Variants in FAN1 observed in about 807,000 individuals in gnomAD.
FAN1 encodes the protein FANCD2 and FANCI associated nuclease 1, also known as fanconi-associated nuclease 1.
Under a neutral mutation model 104.9 loss-of-function variants are expected in FAN1, and 91 were observed. The observed-to-expected ratio is 0.87, with a 90% CI of 0.73 to 1.03. The LOEUF (loss-of-function observed/expected upper bound fraction) is 1.03, where lower values mean the gene tolerates loss of function less well. Among genes scored for constraint, FAN1 ranks in the 50% least tolerant of loss-of-function variants. The probability of loss-of-function intolerance (pLI) is 0.00; values close to 1 mark genes in which losing one functional copy is unlikely to be tolerated. For missense variants in FAN1, 1,263 were observed against 1,239.9 expected (o/e 1.02, Z -0.28); for synonymous variants, 478 against 457.6 (o/e 1.04, Z -0.57).
intron 7 of FAN1, among the ~76,000 whole-genome samples, chr15:30,921,501 G>A (rs1175003305): frequency 1.3e-5 from 2 of 152,124 alleles, no homozygotes; most frequent in Non-Finnish European, 2.9e-5. Context: ...TCCAGACCAG[G>A]CATGGTCAAA....
chr15:30,918,110 C>G, intron 5 of FAN1, 54 bp from the exon 6 acceptor site: 1 of 1,591,738 alleles, frequency 6.3e-7, no homozygotes, highest in East Asian at 2.2e-5. Context: ...AGGATGTGGT[C>G]ATTCTATGGG....
intron 4 of FAN1, among the ~76,000 whole-genome samples, chr15:30,912,831 A>G (rs780353177): frequency 5.9e-5 from 9 of 152,196 alleles, no homozygotes; most frequent in Admixed American, 1.3e-4. Context: ...ACAGCCCCTG[A>G]CAACAAAGAA....
intron 13 of FAN1, 122 bp from the exon 14 acceptor site, chr15:30,936,997 T>C: frequency 1.3e-6 from 1 of 772,504 alleles, no homozygotes; most frequent in Non-Finnish European, 2.1e-6. Flanking sequence ...GTGTTACACT[T>C]ACAAATACAG....
intron 12 of FAN1, 102 bp downstream of exon 12, chr15:30,929,499 A>C: frequency 2.8e-6 from 2 of 710,132 alleles, no homozygotes; most frequent in Non-Finnish European, 4.6e-6. Context: ...TGTATATGTA[A>C]ATACATGTAT....
intron 14 of FAN1, chr15:30,941,362 T>G (rs745498682): frequency 1.6e-4 from 253 of 1,537,418 alleles, no homozygotes; most frequent in Non-Finnish European, 2.0e-4. Flanking sequence ...TTCCAACTAT[T>G]ATTCTTACAT....
chr15:30,940,746 A>G (rs975890918), intron 14 of FAN1: 6 of 989,986 alleles, frequency 6.1e-6, no homozygotes, highest in African/African-American at 1.7e-5. Flanking sequence ...CAAATATGCA[A>G]TGGGATTTTC....
chr15:30,904,097 T>G (rs1379345322), intron 1 of FAN1, 86 bp downstream of exon 1: 2 of 152,152 alleles, frequency 1.3e-5, no homozygotes, highest in Non-Finnish European at 2.9e-5. Flanking sequence ...GCCGCGGTGG[T>G]GGCAGCCGGC....
chr15:30,929,494 A>T, intron 12 of FAN1, 97 bp downstream of exon 12: 5 of 715,870 alleles, frequency 7.0e-6, no homozygotes, highest in Non-Finnish European at 9.1e-6. Flanking sequence ...ATGTGTGTAT[A>T]TGTAAATACA....
rs141812435 is a variant in FAN1, at chr15:30,925,884, G to A, written c.2433G>A (p.Leu811=). The A allele has an allele frequency of 3.9e-5, 63 of 1,614,104 alleles. No homozygotes were observed. Among genetic ancestry groups the A allele is most frequent in the Non-Finnish European group, 5.2e-5 (61 of 1,180,042 alleles). The part of the protein sequence containing the change: ...AGEAADPTTV[L]CSVEELALAH... ...AGGCCGCTGACCCCACCACGGTCCT[G>A]TGCTCTGTGGAGGAGCTGGCACTGG... The change falls in exon 10 of 15, where the codon CTG becomes CTA. Residue 811 remains leucine, a synonymous_variant. Coordinates refer to ENST00000362065, the MANE Select transcript of FAN1 (RefSeq NM_014967.5).
At position 30,913,228 on chromosome 15, in the gene FAN1, G is replaced by A. The variant is rs538665971; in HGVS notation, c.1578-630G>A. 1.8e-3 allele frequency among the ~76,000 whole-genome samples: 271 copies of A among 152,254 alleles called. 2 individuals are homozygous for A. Among genetic ancestry groups the A allele is most frequent in the African/African-American group, 6.2e-3 (256 of 41,548 alleles). On this transcript the variant is annotated intron_variant, in intron 4 of 14. Transcript: ENST00000362065. ...GAACCCTATTGTGAACTGCGCATGC[G>A]AGGGATCTAGGTTGCGTATTCCTTA...
At chr15:30,940,559 C>T (rs949923594) in intron 14 of FAN1, 46 of 985,374 alleles carry the variant, frequency 4.7e-5, no homozygotes, top group South Asian at 1.9e-4. Context: ...AAGCCCAGCA[C>T]GCCTCCCAGC....
At position 30,918,438 on chromosome 15, in the gene FAN1, G is replaced by T. The variant is rs2062240699; in HGVS notation, c.1943+143G>T. The stretch of plus-strand genomic sequence containing the variant: ...TGGAATTGAATTTTGTGCGTGCTTT[G>T]CCTAGAATGAAAGTGCTGTGTGAAA... On this transcript the variant is annotated intron_variant, in intron 6 of 14. Transcript: ENST00000362065. The T allele has an allele frequency of 5.0e-6, 4 of 795,724 alleles. No homozygotes were observed. The South Asian group carries it at 6.9e-5, about 14-fold the overall frequency. The allele number at this position is 795,724 out of a possible 1,614,324, so 49.3% of individuals were successfully genotyped here.
chr15:30,910,754 C>G lies in FAN1; in HGVS notation c.1516C>G (p.Gln506Glu), dbSNP rs1194795226. Residue 506 changes from glutamine to glutamate, a missense_variant, in exon 4 of 15, where the codon CAG (glutamine) becomes GAG (glutamate). This residue lies in a region of FAN1 where 581 missense variants were observed against 668.8 expected (regional missense o/e 0.87). Transcript: ENST00000362065. ...LVDAFLKLAK[Q>E]RSVCTWGKNK... ...GGACGCCTTTCTCAAATTGGCCAAA[C>G]AGCGTTCAGTCTGCACTTGGGGCAA... 6.2e-7 allele frequency: 1 copy of G among 1,614,128 alleles called. No homozygotes were observed. The highest frequency in any genetic ancestry group is 1.1e-5 in the South Asian group (1 of 91,084).
At chr15:30,906,177 A>G (rs557902151) in intron 2 of FAN1, among the ~76,000 whole-genome samples, 2 of 152,348 alleles carry the variant, frequency 1.3e-5, no homozygotes, top group African/African-American at 4.8e-5. Flanking sequence ...TTTGATAGTT[A>G]TGAAACAACC....
At chr15:30,930,884 G>A (rs1293823105) in intron 13 of FAN1, among the ~76,000 whole-genome samples, 1 of 152,154 alleles carries the variant, frequency 6.6e-6, no homozygotes, top group Non-Finnish European at 1.5e-5. Context: ...GCAAGACAGA[G>A]CTCCATCTCT....
intron 3 of FAN1, among the ~76,000 whole-genome samples, chr15:30,910,039 G>A (rs971521928): frequency 2.6e-5 from 4 of 152,206 alleles, no homozygotes; most frequent in Non-Finnish European, 4.4e-5. Context: ...TTACCAGGCC[G>A]ACAGTGTACA....
intron 4 of FAN1, chr15:30,911,463 AGTT>A (rs765444658): frequency 1.8e-4 from 179 of 983,776 alleles, no homozygotes; most frequent in Middle Eastern, 5.2e-4. Context: ...TGTATATTTC[AGTT>A]GTTATGAGCC....
chr15:30,928,293 T>C (rs1365469867), intron 10 of FAN1: 3 of 1,261,346 alleles, frequency 2.4e-6, no homozygotes, highest in African/African-American at 3.1e-5. Flanking sequence ...AACCACTGCT[T>C]TGTGGCTTTG....
In FAN1 at chr15:30,941,990, C is replaced by A; in HGVS notation, c.*428C>A. On this transcript the variant is annotated 3_prime_UTR_variant, in exon 15 of 15. Coordinates refer to ENST00000362065, the MANE Select transcript of FAN1 (RefSeq NM_014967.5). ...CTTTGGTTTTAATATCAATGAATTTCTCCTTGGAAGTAATTCTTGGTCACT... is the reference window on the plus strand; with the variant it reads ...CTTTGGTTTTAATATCAATGAATTTATCCTTGGAAGTAATTCTTGGTCACT... The A allele has an allele frequency of 1.2e-6, 2 of 1,613,972 alleles. No individual in the cohort carries two copies. Among genetic ancestry groups the A allele is most frequent in the Non-Finnish European group, 1.7e-6 (2 of 1,179,908 alleles).
Sources: allele counts gnomAD v4.1 joint callset (sites outside exome capture counted in the v4.1 genomes callset), GRCh38; gene constraint gnomAD v4.1.1; regional missense constraint gnomAD v4.1.1; transcripts MANE v1.5; gene names NCBI Gene and HGNC (gene_info 2026-07-23, HGNC 2026-07-21).